The following SPAG16 variants were observed in gnomAD, a reference collection of about 807,000 sequenced individuals.
The protein encoded by SPAG16 is sperm associated antigen 16, also known as sperm-associated antigen 16 protein.
A neutral mutation model predicts 80.4 loss-of-function variants in SPAG16; 86 were observed. That is an observed-to-expected ratio of 1.07 (90% CI 0.90 to 1.28). The LOEUF is 1.28. SPAG16 is among the 50% of genes most tolerant of loss of function. SPAG16 has a pLI of 0.00. For missense variants in SPAG16, 870 were observed against 765.3 expected, an observed-to-expected ratio of 1.14 and a Z score of -1.61; for synonymous variants, 294 against 265.9, an observed-to-expected ratio of 1.11 and a Z score of -1.03.
At chr2:213,976,135 T>TATACACACACAC (rs749957411) in intron 12 of SPAG16, among the ~76,000 whole-genome samples, 124 of 81,402 alleles carry the variant, frequency 1.5e-3, no homozygotes, top group Admixed American at 3.1e-3. Context: ...TATATATATA[T>TATACACACACAC]ACACACACAC....
intron 10 of SPAG16, among the ~76,000 whole-genome samples, chr2:213,812,274 G>T (rs943198380): frequency 6.6e-6 from 1 of 152,174 alleles, no homozygotes; most frequent in African/African-American, 2.4e-5. Context: ...GAAGAACTGG[G>T]ACTCAGGAGT....
chr2:213,428,342 G>A (rs1486177490), intron 9 of SPAG16, among the ~76,000 whole-genome samples: 1 of 152,152 alleles, frequency 6.6e-6, no homozygotes, highest in East Asian at 1.9e-4. Context: ...AATCTAAATT[G>A]GAGAGAGGCT....
intron 11 of SPAG16, among the ~76,000 whole-genome samples, chr2:213,903,473 G>A (rs917480564): frequency 1.3e-5 from 2 of 152,134 alleles, no homozygotes; most frequent in African/African-American, 4.8e-5. Context: ...CTCTACGTTG[G>A]CCCCTTTCAT....
At chr2:214,001,669 G>A (rs1357830113) in intron 12 of SPAG16, among the ~76,000 whole-genome samples, 2 of 152,052 alleles carry the variant, frequency 1.3e-5, no homozygotes, top group East Asian at 3.9e-4. Context: ...TTTAGACTGT[G>A]GCACATGCAG....
At chr2:213,858,775 A>G (rs551484498) in intron 10 of SPAG16, among the ~76,000 whole-genome samples, 10 of 152,324 alleles carry the variant, frequency 6.6e-5, no homozygotes, top group African/African-American at 2.4e-4. Context: ...GAATGGTCGA[A>G]GGTGAGCCCT....
At chr2:213,992,208 G>T (rs186524561) in intron 12 of SPAG16, among the ~76,000 whole-genome samples, 2 of 152,194 alleles carry the variant, frequency 1.3e-5, no homozygotes, top group East Asian at 3.9e-4. Context: ...TTTGAACCAA[G>T]GTGATATTTT....
chr2:213,934,460 G>C (rs575840730), intron 12 of SPAG16, among the ~76,000 whole-genome samples: 43 of 152,316 alleles, frequency 2.8e-4, no homozygotes, highest in African/African-American at 9.6e-4. Context: ...CTGAAGAAGA[G>C]ATCTGGGGAT....
intron 10 of SPAG16, among the ~76,000 whole-genome samples, chr2:213,737,505 T>TTTTA (rs2067338579): frequency 6.6e-6 from 1 of 151,156 alleles, no homozygotes. Flanking sequence ...TTTTTTTTTT[T>TTTTA]GAGACGGAGT....
At chr2:213,911,419 A>G (rs929912847) in intron 11 of SPAG16, among the ~76,000 whole-genome samples, 6 of 152,212 alleles carry the variant, frequency 3.9e-5, no homozygotes, top group Non-Finnish European at 7.3e-5. Context: ...TGCTGGGATT[A>G]CAGGCATGTG....
At chr2:213,482,994 A>G (rs1017442610) in intron 9 of SPAG16, among the ~76,000 whole-genome samples, 1 of 152,178 alleles carries the variant, frequency 6.6e-6, no homozygotes, top group African/African-American at 2.4e-5. Flanking sequence ...TATAAAGTAA[A>G]AAGCATATGA....
At chr2:213,420,686 T>A (rs1325472802) in intron 9 of SPAG16, among the ~76,000 whole-genome samples, 2 of 152,272 alleles carry the variant, frequency 1.3e-5, no homozygotes, top group African/African-American at 4.8e-5. Context: ...GTTCTTTTAA[T>A]AACCTAATAC....
intron 11 of SPAG16, among the ~76,000 whole-genome samples, chr2:213,901,009 T>C (rs1254977609): frequency 1.3e-5 from 2 of 152,164 alleles, no homozygotes; most frequent in East Asian, 3.8e-4. Flanking sequence ...TTTTAAATAT[T>C]TTGTATCATT....
chr2:214,087,329 T>C (rs2051837712), intron 13 of SPAG16, among the ~76,000 whole-genome samples: 1 of 152,170 alleles, frequency 6.6e-6, no homozygotes, highest in Non-Finnish European at 1.5e-5. Context: ...AAGTGATGGA[T>C]ACCATTCAAT....
At chr2:214,305,007 T>C (rs997066194) in intron 15 of SPAG16, among the ~76,000 whole-genome samples, 4 of 152,212 alleles carry the variant, frequency 2.6e-5, no homozygotes, top group Non-Finnish European at 1.5e-5. Flanking sequence ...TGAGTAAGTG[T>C]TCCTTTCTCT....
intron 10 of SPAG16, among the ~76,000 whole-genome samples, chr2:213,667,173 A>T (rs1457122661): frequency 6.6e-6 from 1 of 152,214 alleles, no homozygotes; most frequent in African/African-American, 2.4e-5. Flanking sequence ...GATAAATAAT[A>T]TTGTTTGTAT....
At chr2:213,430,501 T>C (rs546433418) in intron 9 of SPAG16, among the ~76,000 whole-genome samples, 1 of 152,328 alleles carries the variant, frequency 6.6e-6, no homozygotes, top group African/African-American at 2.4e-5. Context: ...ATTGTTATTG[T>C]TAATGTATTT....
At chr2:214,183,636 A>T (rs1001702392) in intron 15 of SPAG16, among the ~76,000 whole-genome samples, 1 of 152,048 alleles carries the variant, frequency 6.6e-6, no homozygotes, top group African/African-American at 2.4e-5. Context: ...ACCATGATGA[A>T]AGGGAAGCAG....
At position 214,349,536 on chromosome 2, in the gene SPAG16, T is replaced by C. The variant is rs543487278; in HGVS notation, c.1721-60604T>C. On this transcript the variant is annotated intron_variant, in intron 15 of 15. Transcript: ENST00000331683. ...AACTTTTGGGCATTTTGAATAGTTATGAACACTCTTGCCAAATACTTTCTG... is the reference window on the plus strand; with the variant it reads ...AACTTTTGGGCATTTTGAATAGTTACGAACACTCTTGCCAAATACTTTCTG... Among the ~76,000 whole-genome samples the C allele has an allele frequency of 3.9e-5, 6 of 152,360 alleles. No homozygotes were observed. The East Asian group carries it at 7.7e-4, about 20-fold the overall frequency.
At chr2:213,294,283 A>C (rs1559379063) in intron 1 of SPAG16, among the ~76,000 whole-genome samples, 4 of 152,110 alleles carry the variant, frequency 2.6e-5, no homozygotes, top group Non-Finnish European at 5.9e-5. Flanking sequence ...GAAACTGGGG[A>C]TTAGGGAGAT....
Sources: gnomAD v4.1 joint callset for allele counts (sites outside exome capture counted in the v4.1 genomes callset) on GRCh38, gnomAD v4.1.1 for gene constraint, MANE v1.5 for transcripts, NCBI Gene and HGNC (gene_info 2026-07-23, HGNC 2026-07-21) for gene names.